The following RSRC1 variants were observed in gnomAD, a reference collection of about 807,000 sequenced individuals.
RSRC1 encodes the protein serine/Arginine-related protein 53.
In RSRC1, 39 loss-of-function variants were observed where a neutral mutation model predicts 49.1. The observed-to-expected ratio is 0.79, with a 90% confidence interval of 0.61 to 1.04. RSRC1 has a LOEUF of 1.04. Among genes scored for constraint, RSRC1 ranks in the 50% least tolerant of loss-of-function variants. The pLI is 0.00. For synonymous variants in RSRC1, 143 were observed against 130.8 expected (o/e 1.09, Z -0.63); for missense variants, 388 against 402.4 (o/e 0.96, Z 0.31).
intron 5 of RSRC1, among the ~76,000 whole-genome samples, chr3:158,334,649 T>TG (rs1729770824): frequency 3.6e-5 from 5 of 137,448 alleles, no homozygotes; most frequent in Non-Finnish European, 7.7e-5. Context: ...CCCAGCTAAT[T>TG]TGTGTGTGTG....
At chr3:158,230,130 T>G (rs918209137) in intron 4 of RSRC1, among the ~76,000 whole-genome samples, 1 of 152,096 alleles carries the variant, frequency 6.6e-6, no homozygotes, top group Non-Finnish European at 1.5e-5. Flanking sequence ...ACCTTGATAT[T>G]TTTTAAGGTA....
At chr3:158,327,470 T>G (rs1464760972) in intron 5 of RSRC1, among the ~76,000 whole-genome samples, 2 of 152,266 alleles carry the variant, frequency 1.3e-5, no homozygotes, top group African/African-American at 4.8e-5. Context: ...TCTTTATTTC[T>G]GCCTTCATTT....
chr3:158,212,863 T>G lies in RSRC1; in HGVS notation c.494+9618T>G, dbSNP rs1189211163. 2.6e-5 allele frequency among the ~76,000 whole-genome samples: 4 copies of G among 151,974 alleles called. 1 individual carries two copies. The highest frequency in any genetic ancestry group is 9.7e-5 in the African/African-American group (4 of 41,418). Reference sequence around the variant, plus strand: ...ATTTATATCTCATTGTAAAGCATCTTGAGTATCCCTGATATGAATGATGCT... The same window carrying G: ...ATTTATATCTCATTGTAAAGCATCTGGAGTATCCCTGATATGAATGATGCT... On this transcript the variant is annotated intron_variant, in intron 4 of 9. Transcript: ENST00000611884.
intron 4 of RSRC1, among the ~76,000 whole-genome samples, chr3:158,211,813 A>G (rs1019187679): frequency 2.2e-5 from 2 of 89,192 alleles, no homozygotes; most frequent in African/African-American, 7.6e-5. Context: ...TAGCAGCTCA[A>G]TAAATGGTCA....
At chr3:158,219,393 C>G (rs698982) in intron 4 of RSRC1, among the ~76,000 whole-genome samples, 98,075 of 151,192 alleles carry the variant, frequency 0.65, 32,106 homozygotes, top group East Asian at 0.84. Context: ...ACATACAGTA[C>G]AGAGTCTTAT....
At chr3:158,421,462 T>C (rs1735045585) in intron 6 of RSRC1, among the ~76,000 whole-genome samples, 1 of 151,850 alleles carries the variant, frequency 6.6e-6, no homozygotes, top group Non-Finnish European at 1.5e-5. Flanking sequence ...TTAGGAAGGC[T>C]AGTAAGATCA....
chr3:158,359,187 T>G (rs919963695), intron 6 of RSRC1, among the ~76,000 whole-genome samples: 2 of 152,180 alleles, frequency 1.3e-5, no homozygotes, highest in African/African-American at 4.8e-5. Context: ...TAGCAGTGTA[T>G]AAAACAGTTC....
chr3:158,515,416 G>T (rs1228204580), intron 7 of RSRC1, among the ~76,000 whole-genome samples: 1 of 128,850 alleles, frequency 7.8e-6, no homozygotes, highest in Non-Finnish European at 1.6e-5. Flanking sequence ...TAAGAATGTT[G>T]AATATTGGCC....
chr3:158,230,049 A>G (rs1468825051), intron 4 of RSRC1, among the ~76,000 whole-genome samples: 9 of 152,028 alleles, frequency 5.9e-5, no homozygotes, highest in Admixed American at 2.0e-4. Context: ...CATATACTGC[A>G]GTTAGTTGTC....
At chr3:158,225,771 C>T (rs1429919269) in intron 4 of RSRC1, 1 of 423,656 alleles carries the variant, frequency 2.4e-6, no homozygotes, top group Non-Finnish European at 4.6e-6. Context: ...AACATTTTTA[C>T]ATTCAGTAGA....
chr3:158,192,346 G>C (rs1287572973), intron 3 of RSRC1, among the ~76,000 whole-genome samples: 1 of 152,066 alleles, frequency 6.6e-6, no homozygotes, highest in East Asian at 1.9e-4. Context: ...GAATTTTCAA[G>C]AGATGAATTG....
chr3:158,543,730 CAAAG>C, intron 9 of RSRC1: 1 of 369,270 alleles, frequency 2.7e-6, no homozygotes, highest in East Asian at 4.3e-5. Flanking sequence ...GAAAAATAGA[CAAAG>C]AGAAGCATTT....
chr3:158,309,242 G>A (rs1578318779), intron 5 of RSRC1, among the ~76,000 whole-genome samples: 2 of 151,796 alleles, frequency 1.3e-5, no homozygotes, highest in African/African-American at 4.8e-5. Context: ...GCTCTCTGAA[G>A]TATGAGAATG....
chr3:158,228,658 T>G (rs1437042353), intron 4 of RSRC1, among the ~76,000 whole-genome samples: 2 of 148,710 alleles, frequency 1.3e-5, no homozygotes, highest in Non-Finnish European at 3.0e-5. Flanking sequence ...TGAAAATACA[T>G]CTACCAGGCT....
intron 3 of RSRC1, among the ~76,000 whole-genome samples, chr3:158,158,422 T>C (rs974698684): frequency 4.6e-5 from 7 of 152,230 alleles, no homozygotes; most frequent in Admixed American, 3.9e-4. Context: ...ATTATAATTA[T>C]ATATTTTTAA....
chr3:158,237,031 G>T (rs1318611899), intron 4 of RSRC1, among the ~76,000 whole-genome samples: 1 of 152,104 alleles, frequency 6.6e-6, no homozygotes, highest in Non-Finnish European at 1.5e-5. Context: ...GGCTTACCAA[G>T]AATTATATTC....
At chr3:158,265,198 C>A (rs1341012319) in intron 4 of RSRC1, among the ~76,000 whole-genome samples, 1 of 152,174 alleles carries the variant, frequency 6.6e-6, no homozygotes, top group Non-Finnish European at 1.5e-5. Flanking sequence ...TTTTTGTTGC[C>A]TAATTTCCAG....
intron 4 of RSRC1, among the ~76,000 whole-genome samples, chr3:158,243,411 G>A (rs1209561271): frequency 6.6e-6 from 1 of 152,154 alleles, no homozygotes. Context: ...CTGTGTGTCT[G>A]TTTTTGTAAC....
chr3:158,325,204 T>C (rs1729053402), intron 5 of RSRC1, among the ~76,000 whole-genome samples: 1 of 152,228 alleles, frequency 6.6e-6, no homozygotes, highest in South Asian at 2.1e-4. Context: ...TGGTAGTTTC[T>C]TTTGCTGTGT....
Sources: allele counts gnomAD v4.1 joint callset (sites outside exome capture counted in the v4.1 genomes callset), GRCh38; gene constraint gnomAD v4.1.1; transcripts MANE v1.5; gene names NCBI Gene and HGNC (gene_info 2026-07-23, HGNC 2026-07-21).